CCDC80: variants seen among roughly 807,000 people sequenced by gnomAD.
The protein encoded by CCDC80 is coiled-coil domain-containing protein 80.
In CCDC80, 49 loss-of-function variants were observed where a neutral mutation model predicts 78.7. The ratio of observed to expected loss-of-function variants is 0.62; its 90% CI spans 0.50 to 0.79. The LOEUF (loss-of-function observed/expected upper bound fraction) is 0.79, where lower values mean the gene tolerates loss of function less well. Ranked by LOEUF, CCDC80 falls within the 30% of genes least tolerant of loss-of-function variation. The probability of loss-of-function intolerance (pLI) is 0.00; values close to 1 mark genes in which losing one functional copy is unlikely to be tolerated. For missense variants in CCDC80, 1,205 were observed against 1,198.6 expected, an observed-to-expected ratio of 1.01 and a Z score of -0.08; for synonymous variants, 488 against 447.0, an observed-to-expected ratio of 1.09 and a Z score of -1.16.
intron 4 of CCDC80, among the ~76,000 whole-genome samples, chr3:112,618,111 G>C (rs1037580617): frequency 1.3e-5 from 2 of 152,170 alleles, no homozygotes; most frequent in Non-Finnish European, 2.9e-5. Context: ...AAAGTGCCAG[G>C]CATAAGGAAA....
chr3:112,626,957 T>C (rs1418904149), intron 3 of CCDC80, among the ~76,000 whole-genome samples: 1 of 152,220 alleles, frequency 6.6e-6, no homozygotes, highest in African/African-American at 2.4e-5. Flanking sequence ...GCTACCTCTC[T>C]TGATTACCCT....
intron 4 of CCDC80, 86 bp downstream of exon 4, chr3:112,618,882 G>A (rs1281536731): frequency 6.8e-5 from 95 of 1,391,688 alleles, no homozygotes; most frequent in South Asian, 6.5e-4. Flanking sequence ...ATGCTTACTC[G>A]TACATTGAAT....
At chr3:112,618,768 C>T (rs375532992) in intron 4 of CCDC80, among the ~76,000 whole-genome samples, 200 bp downstream of exon 4, 1 of 152,174 alleles carries the variant, frequency 6.6e-6, no homozygotes, top group African/African-American at 2.4e-5. Context: ...TGGGAAGTCA[C>T]TCCAACTCAG....
rs943334215 is a variant in CCDC80 at position 112,613,218 on chromosome 3, T to C, written c.2322-3137A>G. 1.2e-4 allele frequency among the ~76,000 whole-genome samples: 18 copies of C among 152,228 alleles called. 1 individual carries two copies. The highest frequency in any genetic ancestry group is 2.1e-4 in the South Asian group (1 of 4,838). On this transcript the variant is annotated intron_variant, in intron 5 of 7. Transcript: ENST00000206423. ...GGAATCAAACTCATTTTGTCTTGCT[T>C]GTGCCTTAAGTAGTACACTATTCCA...
chr3:112,621,441 C>A lies in CCDC80; in HGVS notation c.2036-2337G>T, dbSNP rs1295985029. Among the ~76,000 whole-genome samples the A allele has an allele frequency of 1.3e-5, 2 of 152,128 alleles. 1 individual carries two copies. Among genetic ancestry groups the A allele is most frequent in the Admixed American group, 1.3e-4 (2 of 15,276 alleles). ...AAGATCAGCAGAACCTCCTACCCAA[C>A]CTGTAGCTGACTGCAGATGCATGAG... On this transcript the variant is annotated intron_variant, in intron 3 of 7. Transcript: ENST00000206423.
chr3:112,616,304 G>A (rs188066957), intron 5 of CCDC80, among the ~76,000 whole-genome samples: 60 of 152,094 alleles, frequency 3.9e-4, no homozygotes, highest in Non-Finnish European at 7.8e-4. Flanking sequence ...AATCCTGTTT[G>A]GAACCAGAAG....
rs1215971178 is a variant in CCDC80 at position 112,598,800 on chromosome 3, T to A, written c.*6617A>T. On this transcript the variant is annotated 3_prime_UTR_variant, in exon 8 of 8. Coordinates refer to ENST00000206423, the MANE Select transcript of CCDC80 (RefSeq NM_199511.3). ...GTACTCACAATCCTTGCCAACCTGATGTCCTTGGAAGCTCCAGTCTGGCTG... is the reference window on the plus strand; with the variant it reads ...GTACTCACAATCCTTGCCAACCTGAAGTCCTTGGAAGCTCCAGTCTGGCTG... The A allele has an allele frequency of 6.6e-6, 1 of 152,246 alleles. No homozygotes were observed. Among genetic ancestry groups the A allele is most frequent in the Admixed American group, 6.5e-5 (1 of 15,286 alleles). The allele number at this position is 152,246 out of a possible 1,614,324, so 9.4% of individuals were successfully genotyped here.
At chr3:112,616,270 C>T (rs969743390) in intron 5 of CCDC80, among the ~76,000 whole-genome samples, 35 of 151,878 alleles carry the variant, frequency 2.3e-4, no homozygotes, top group African/African-American at 7.0e-4. Context: ...TGGAAGGAAG[C>T]GGAAAATCAA....
chr3:112,622,648 T>A (rs913956344), intron 3 of CCDC80, among the ~76,000 whole-genome samples: 42 of 151,960 alleles, frequency 2.8e-4, no homozygotes, highest in East Asian at 7.7e-4. Flanking sequence ...ATTCTTTTTT[T>A]AAAAAAAATT....
At chr3:112,626,479 G>A (rs6774981) in intron 3 of CCDC80, among the ~76,000 whole-genome samples, 19 of 152,242 alleles carry the variant, frequency 1.2e-4, no homozygotes, top group African/African-American at 4.6e-4. Flanking sequence ...CTCTTCAACA[G>A]GATCAGACAG....
chr3:112,610,085 G>GAA lies in CCDC80; in HGVS notation c.2322-6_2322-5dup. The GAA allele has an allele frequency of 6.2e-7, 1 of 1,600,658 alleles. No individual in the cohort carries two copies. The highest frequency in any genetic ancestry group is 1.4e-5 in the African/African-American group (1 of 73,534). On this transcript the variant is annotated splice_region_variant and splice_polypyrimidine_tract_variant and intron_variant, in intron 5 of 7. Coordinates refer to ENST00000206423, the MANE Select transcript of CCDC80 (RefSeq NM_199511.3). ...CAACCTCCTCCTCCACCGGAACCTG[G>GAA]AAAAAAAAAGCAGGACACCATTACT...
At chr3:112,615,847 G>T (rs937405583) in intron 5 of CCDC80, among the ~76,000 whole-genome samples, 1 of 152,040 alleles carries the variant, frequency 6.6e-6, no homozygotes, top group African/African-American at 2.4e-5. Flanking sequence ...ACCCTATATG[G>T]TCTAAAAAGG....
Position 112,616,851 on chromosome 3 carries a change from T to C in CCDC80, c.2180A>G (p.Tyr727Cys), listed in dbSNP as rs141237662. ...TDVDLRVKQY[Y>C]EVPITMKSVF... ...AGACTTCATTGTTATTGGTACCTCA[T>C]AGTATTGCTGTTTAAGAAAAAACAG... is the stretch of plus-strand genomic sequence containing the variant. Residue 727 changes from tyrosine (Y) to cysteine (C), a missense_variant, in exon 5 of 8, where the codon TAT becomes TGT. Physicochemically the swap from Tyr to Cys is radical, Grantham distance 194 (BLOSUM62 -2). Coordinates refer to ENST00000206423, the MANE Select transcript of CCDC80 (RefSeq NM_199511.3). The C allele has an allele frequency of 1.8e-5, 29 of 1,613,630 alleles. No homozygotes were observed. In the African/African-American group the frequency reaches 2.9e-4, roughly 16 times the overall value.
chr3:112,607,313 C>T, intron 6 of CCDC80, 57 bp from the exon 7 acceptor site: 1 of 1,272,804 alleles, frequency 7.9e-7, no homozygotes, highest in East Asian at 2.3e-5. Context: ...TTATCTTTTA[C>T]TTCAAAGCCC....
At chr3:112,635,057 T>C (rs1356232885) in intron 2 of CCDC80, among the ~76,000 whole-genome samples, 1 of 152,156 alleles carries the variant, frequency 6.6e-6, no homozygotes, top group South Asian at 2.1e-4. Flanking sequence ...GAGTGAACAC[T>C]AATCTAAAAA....
intron 7 of CCDC80, among the ~76,000 whole-genome samples, chr3:112,606,445 A>T (rs1014837311): frequency 6.8e-6 from 1 of 146,124 alleles, no homozygotes; most frequent in African/African-American, 2.5e-5. Flanking sequence ...TTTGTTTTTG[A>T]GATGGAGTCT....
At position 112,639,429 on chromosome 3, in the gene CCDC80, G is replaced by T. The variant is rs2107499279; in HGVS notation, c.477C>A (p.Ala159=). 1 of 1,614,194 alleles carries T rather than the reference G, an allele frequency of 6.2e-7. No individual in the cohort carries two copies. The highest frequency in any genetic ancestry group is 1.1e-5 in the South Asian group (1 of 91,086). ...TCATGAGGCGGTAGTAGCCTTCCGAGGCATGAGGGGCTGAGATGACCCATA... is the reference window on the plus strand; with the variant it reads ...TCATGAGGCGGTAGTAGCCTTCCGATGCATGAGGGGCTGAGATGACCCATA... The part of the protein sequence containing the change: ...NRVWVISAPH[A]SEGYYRLMMS... Residue 159 remains alanine (A), a synonymous_variant, in exon 2 of 8, where the codon GCC becomes GCA. Coordinates refer to ENST00000206423, the MANE Select transcript of CCDC80 (RefSeq NM_199511.3).
At chr3:112,618,166 G>A (rs1409131684) in intron 4 of CCDC80, among the ~76,000 whole-genome samples, 1 of 152,174 alleles carries the variant, frequency 6.6e-6, no homozygotes, top group South Asian at 2.1e-4. Context: ...TTATTACATG[G>A]TATAGTTTTT....
chr3:112,629,953 G>C (rs1337429255), intron 3 of CCDC80, among the ~76,000 whole-genome samples, 160 bp downstream of exon 3: 1 of 152,126 alleles, frequency 6.6e-6, no homozygotes, highest in Non-Finnish European at 1.5e-5. Context: ...TCCTGGAATG[G>C]CTATTTAAAT....
Sources: allele counts gnomAD v4.1 joint callset (sites outside exome capture counted in the v4.1 genomes callset), GRCh38; gene constraint gnomAD v4.1.1; transcripts MANE v1.5; gene names NCBI Gene and HGNC (gene_info 2026-07-23, HGNC 2026-07-21).